Variants in ARHGAP22 observed in about 807,000 individuals in gnomAD.
The protein encoded by ARHGAP22 is rho GTPase-activating protein 22.
A neutral mutation model predicts 59.1 loss-of-function variants in ARHGAP22; 48 were observed. The observed-to-expected ratio is 0.81, with a 90% CI of 0.64 to 1.03. The LOEUF is 1.03. ARHGAP22 is among the 50% of genes least tolerant of loss of function. The pLI is 0.00. For missense variants in ARHGAP22, 1,015 were observed against 958.7 expected (o/e 1.06, Z -0.78); for synonymous variants, 445 against 416.4 (o/e 1.07, Z -0.84).
At chr10:48,546,142 T>G (rs1239152224) in intron 3 of ARHGAP22, among the ~76,000 whole-genome samples, 2 of 152,214 alleles carry the variant, frequency 1.3e-5, no homozygotes, top group Non-Finnish European at 2.9e-5. Context: ...GGCTCTGCTT[T>G]AAGCAGCCTG....
At chr10:48,457,448 C>T (rs1020391748) in intron 5 of ARHGAP22, among the ~76,000 whole-genome samples, 1 of 152,134 alleles carries the variant, frequency 6.6e-6, no homozygotes, top group Admixed American at 6.5e-5. Flanking sequence ...CAAGACCCAC[C>T]CCCCTTAGAA....
Position 48,611,601 on chromosome 10 carries a change from G to T in ARHGAP22, c.53-28449C>A, listed in dbSNP as rs116924779. ...ATAAATCACCATTTTGATCAGCTTT[G>T]CACTATTGAAAATCAAGCCTTCTAC... On this transcript the variant is annotated intron_variant, in intron 1 of 9. Transcript: ENST00000435790. Among the ~76,000 whole-genome samples, 67 of 152,204 alleles carry T rather than the reference G, an allele frequency of 4.4e-4. 1 individual carries two copies. The East Asian group carries it at 0.012, about 28-fold the overall frequency.
chr10:48,588,928 G>A (rs75876360), intron 1 of ARHGAP22, among the ~76,000 whole-genome samples: 4 of 152,136 alleles, frequency 2.6e-5, no homozygotes, highest in African/African-American at 7.2e-5. Context: ...GCCAGGCCTC[G>A]AAGGATACTA....
intron 3 of ARHGAP22, 44 bp from the exon 4 acceptor site, chr10:48,479,808 CA>C: frequency 6.7e-7 from 1 of 1,501,964 alleles, no homozygotes; most frequent in Non-Finnish European, 8.9e-7. Context: ...TCCCTGCCCG[CA>C]GCACACTCTC....
In ARHGAP22 at chr10:48,523,406, G is replaced by T. The variant is rs552910027; in HGVS notation, c.322+32057C>A. Among the ~76,000 whole-genome samples, 96 of 152,342 alleles carry T rather than the reference G, an allele frequency of 6.3e-4. 2 individuals are homozygous for T. In the South Asian group the frequency reaches 0.02, roughly 32 times the overall value. ...ATTTCAGTCAGTCAAGGGTTAAGTC[G>T]GCCGGGCCCCAGCCCCCGGGAGGCC... On this transcript the variant is annotated intron_variant, in intron 3 of 9. Transcript: ENST00000249601.
intron 2 of ARHGAP22, among the ~76,000 whole-genome samples, chr10:48,577,782 A>C (rs1244605437): frequency 4.1e-5 from 4 of 98,108 alleles, no homozygotes; most frequent in Admixed American, 2.3e-4. Flanking sequence ...AAAATCTGAG[A>C]TCTAACTGCT....
chr10:48,453,614 G>A (rs1226566540), intron 7 of ARHGAP22, among the ~76,000 whole-genome samples, 189 bp from the exon 8 acceptor site: 1 of 152,236 alleles, frequency 6.6e-6, no homozygotes, highest in Non-Finnish European at 1.5e-5. Context: ...AGGGCCATCA[G>A]AAGTAAAAGT....
intron 3 of ARHGAP22, among the ~76,000 whole-genome samples, chr10:48,484,482 T>C (rs1180581050): frequency 6.6e-6 from 1 of 152,250 alleles, no homozygotes; most frequent in African/African-American, 2.4e-5. Flanking sequence ...TGGTCTGGTT[T>C]TGGTGGCCTC....
upstream of ARHGAP22, among the ~76,000 whole-genome samples, chr10:48,608,361 T>C (rs1026390562): frequency 7.2e-5 from 11 of 152,134 alleles, no homozygotes; most frequent in Admixed American, 5.2e-4. Context: ...TTGGGCTCCA[T>C]TGGCAAAGCC....
At chr10:48,599,524 C>T (rs553604123) in intron 1 of ARHGAP22, among the ~76,000 whole-genome samples, 4 of 152,350 alleles carry the variant, frequency 2.6e-5, no homozygotes, top group African/African-American at 9.6e-5. Context: ...TTTGGAATAG[C>T]CAATCTTTTT....
At chr10:48,651,838 C>T (rs573411550) in intron 1 of ARHGAP22, among the ~76,000 whole-genome samples, 1 of 152,256 alleles carries the variant, frequency 6.6e-6, no homozygotes, top group East Asian at 1.9e-4. Context: ...TATTTCTCTA[C>T]TAGCCCCTTG....
chr10:48,630,520 T>G (rs1736974123), intron 1 of ARHGAP22, among the ~76,000 whole-genome samples: 1 of 152,244 alleles, frequency 6.6e-6, no homozygotes, highest in Admixed American at 6.5e-5. Flanking sequence ...TATGTACATA[T>G]TCTGTTAGAT....
rs542465765 is a variant in ARHGAP22, at chr10:48,534,784, C to A, written c.322+20679G>T. Among the ~76,000 whole-genome samples, 7 of 152,296 alleles carry A rather than the reference C, an allele frequency of 4.6e-5. No homozygotes were observed. In the East Asian group the frequency reaches 1.2e-3, roughly 25 times the overall value. On this transcript the variant is annotated intron_variant, in intron 3 of 9. Transcript: ENST00000249601. ...GTCAGAATTAGAACTGAGGTGTCTG[C>A]CTCCAGGGTGATCCTTACTTTCTTA... is the stretch of plus-strand genomic sequence containing the variant.
intron 1 of ARHGAP22, among the ~76,000 whole-genome samples, chr10:48,633,484 T>C (rs1351595966): frequency 6.6e-6 from 1 of 152,290 alleles, no homozygotes; most frequent in African/African-American, 2.4e-5. Context: ...GGGTTTACCC[T>C]GTGCCTTTCC....
chr10:48,493,794 A>T, intron 3 of ARHGAP22: 1 of 592,450 alleles, frequency 1.7e-6, no homozygotes, highest in Non-Finnish European at 2.6e-6. Context: ...CACCCTGTGC[A>T]CTTGTCCTGC....
At chr10:48,554,257 C>A (rs193039057) in intron 3 of ARHGAP22, among the ~76,000 whole-genome samples, 1 of 152,364 alleles carries the variant, frequency 6.6e-6, no homozygotes, top group African/African-American at 2.4e-5. Context: ...AGACATGCCC[C>A]TATCCCAGGC....
chr10:48,469,645 C>T (rs958375118), intron 4 of ARHGAP22, among the ~76,000 whole-genome samples: 2 of 152,194 alleles, frequency 1.3e-5, no homozygotes, highest in South Asian at 2.1e-4. Flanking sequence ...AGGTGGGCTG[C>T]GCTGCCCCCA....
chr10:48,647,461 A>G (rs1336739501), intron 1 of ARHGAP22, among the ~76,000 whole-genome samples: 2 of 152,234 alleles, frequency 1.3e-5, no homozygotes, highest in African/African-American at 4.8e-5. Flanking sequence ...TACATTCAAC[A>G]TCATTAATGG....
chr10:48,566,711 A>G (rs1359299470), intron 2 of ARHGAP22, among the ~76,000 whole-genome samples: 1 of 152,186 alleles, frequency 6.6e-6, no homozygotes, highest in Admixed American at 6.5e-5. Flanking sequence ...GAGGCTATCC[A>G]TGGTCCTCTT....
Sources: allele counts gnomAD v4.1 joint callset (sites outside exome capture counted in the v4.1 genomes callset), GRCh38; gene constraint gnomAD v4.1.1; transcripts MANE v1.5; gene names NCBI Gene and HGNC (gene_info 2026-07-23, HGNC 2026-07-21).